XYLB: variants seen among roughly 807,000 people sequenced by gnomAD.
XYLB encodes xylulokinase.
Under a neutral mutation model 78.7 loss-of-function variants are expected in XYLB, and 62 were observed. The ratio of observed to expected loss-of-function variants is 0.79; its 90% CI spans 0.64 to 0.97. The LOEUF is 0.97. XYLB is among the 50% of genes least tolerant of loss of function. XYLB has a pLI of 0.00. For missense variants in XYLB, 687 were observed against 676.8 expected (o/e 1.02, Z -0.17); for synonymous variants, 245 against 247.4 (o/e 0.99, Z 0.09).
At chr3:38,419,974 C>G (rs561875781), downstream of XYLB, among the ~76,000 whole-genome samples, 3 of 152,122 alleles carry the variant, frequency 2.0e-5, no homozygotes, top group East Asian at 3.9e-4. Flanking sequence ...CACCCCCAAC[C>G]ATGCCCAGCT....
At chr3:38,355,825 C>T (rs972632072) in intron 2 of XYLB, 11 of 703,078 alleles carry the variant, frequency 1.6e-5, no homozygotes, top group Non-Finnish European at 2.9e-5. Context: ...GAACTCCCCA[C>T]TCCCCACTCA....
rs570818084 is a variant in XYLB at position 38,395,351 on chromosome 3, G to C, written c.1292-154G>C. Reference sequence around the variant, plus strand: ...TGAATGTGACAGGCCTGCACACACAGAGCCAGCTTTGGATCTCTCCCGTAG... The same window carrying C: ...TGAATGTGACAGGCCTGCACACACACAGCCAGCTTTGGATCTCTCCCGTAG... On this transcript the variant is annotated intron_variant, in intron 15 of 18. Transcript: ENST00000207870. Among the ~76,000 whole-genome samples the C allele has an allele frequency of 7.2e-5, 11 of 152,346 alleles. No homozygotes were observed. In the South Asian group the frequency reaches 1.9e-3, roughly 26 times the overall value.
chr3:38,354,938 C>A (rs1439604017), intron 2 of XYLB, among the ~76,000 whole-genome samples: 1 of 152,232 alleles, frequency 6.6e-6, no homozygotes, highest in African/African-American at 2.4e-5. Flanking sequence ...CTTTTGAATA[C>A]TTCACATGTG....
At chr3:38,402,745 A>T (rs953117928) in intron 18 of XYLB, among the ~76,000 whole-genome samples, 2 of 152,160 alleles carry the variant, frequency 1.3e-5, no homozygotes, top group African/African-American at 4.8e-5. Context: ...ATGGCTTTAT[A>T]ATCTAATAGG....
At chr3:38,395,054 A>T (rs991248259) in intron 15 of XYLB, among the ~76,000 whole-genome samples, 22 of 152,180 alleles carry the variant, frequency 1.4e-4, no homozygotes, top group African/African-American at 4.8e-4. Context: ...TGGGTATACA[A>T]GTCGGCCCTA....
intron 2 of XYLB, among the ~76,000 whole-genome samples, chr3:38,349,624 A>G (rs1195896381): frequency 6.6e-6 from 1 of 152,244 alleles, no homozygotes; most frequent in Non-Finnish European, 1.5e-5. Flanking sequence ...ACTGTGGGAA[A>G]GAATGAGTTT....
chr3:38,348,748 T>G (rs1360486540), intron 2 of XYLB, 116 bp downstream of exon 2: 33 of 886,646 alleles, frequency 3.7e-5, no homozygotes, highest in Non-Finnish European at 6.1e-5. Context: ...GGAGTGGTGG[T>G]CTCGGCAGAC....
chr3:38,416,046 C>A (rs1559626189), downstream of XYLB, among the ~76,000 whole-genome samples: 1 of 152,142 alleles, frequency 6.6e-6, no homozygotes, highest in East Asian at 1.9e-4. Flanking sequence ...AAACCACCCC[C>A]ATGATCCAGT....
Position 38,346,918 on chromosome 3 carries a change from C to T in XYLB, c.50C>T (p.Thr17Met). Residue 17 changes from threonine to methionine, a missense_variant, in exon 1 of 19, where the codon ACG becomes ATG. Coordinates refer to ENST00000207870, the MANE Select transcript of XYLB (RefSeq NM_005108.4). ...TGCTGCCTGGGCTGGGACTTCAGCA[C>T]GCAGCAGGTACAGTCGCCTGGCCGC... The part of the protein sequence containing the change: ...RRCCLGWDFS[T>M]QQVKVVAVDA... 6.6e-7 allele frequency: 1 copy of T among 1,511,080 alleles called. No homozygotes were observed. The allele number at this position is 1,511,080 out of a possible 1,614,324, so 93.6% of individuals were successfully genotyped here. A position where few individuals can be genotyped will look rare whatever the true frequency, so the allele number is the denominator to read the frequency against.
intron 4 of XYLB, among the ~76,000 whole-genome samples, chr3:38,363,325 TG>T (rs1559580151): frequency 6.6e-6 from 1 of 152,152 alleles, no homozygotes; most frequent in African/African-American, 2.4e-5. Flanking sequence ...TATGACTGCT[TG>T]GGGGCACCAC....
intron 15 of XYLB, among the ~76,000 whole-genome samples, chr3:38,388,169 G>GTTTTTTTTTT (rs71085320): frequency 1.4e-3 from 149 of 108,812 alleles, no homozygotes; most frequent in African/African-American, 4.4e-3. Context: ...GTTTTTTTTT[G>GTTTTTTTTTT]TTTTTTTTTT....
Position 38,375,224 on chromosome 3 carries a change from C to T in XYLB, c.969C>T (p.Asn323=). 1.2e-6 allele frequency: 2 copies of T among 1,614,224 alleles called. No homozygotes were observed. The highest frequency in any genetic ancestry group is 8.5e-7 in the Non-Finnish European group (1 of 1,180,044). ...CCCTGGAAGGCCACATCTTCTGCAACCCGGTTGACTCCCAGCACTACATGG... is the reference window on the plus strand; with the variant it reads ...CCCTGGAAGGCCACATCTTCTGCAATCCGGTTGACTCCCAGCACTACATGG... ...MPALEGHIFC[N]PVDSQHYMAL... Residue 323 remains asparagine (N), a synonymous_variant, in exon 12 of 19, where the codon AAC becomes AAT. Coordinates refer to ENST00000207870, the MANE Select transcript of XYLB (RefSeq NM_005108.4).
In XYLB at chr3:38,414,836, A is replaced by G. The variant is rs1304522961; in HGVS notation, c.*1823A>G. 1 of 152,194 alleles carries G rather than the reference A, an allele frequency of 6.6e-6. No homozygotes were observed. The highest frequency in any genetic ancestry group is 1.5e-5 in the Non-Finnish European group (1 of 68,044). The allele number at this position is 152,194 out of a possible 1,614,324, so 9.4% of individuals were successfully genotyped here. A position where few individuals can be genotyped will look rare whatever the true frequency, so the allele number is the denominator to read the frequency against. ...AGAGCCAAAAAGACCCAGAAATAAAATGACAGATAAAGAAGATTGTCAAAG... is the reference window on the plus strand; with the variant it reads ...AGAGCCAAAAAGACCCAGAAATAAAGTGACAGATAAAGAAGATTGTCAAAG... On this transcript the variant is annotated 3_prime_UTR_variant, in exon 19 of 19. Coordinates refer to ENST00000207870, the MANE Select transcript of XYLB (RefSeq NM_005108.4).
At chr3:38,380,799 A>G (rs1050963951) in intron 15 of XYLB, among the ~76,000 whole-genome samples, 3 of 152,230 alleles carry the variant, frequency 2.0e-5, no homozygotes, top group Non-Finnish European at 2.9e-5. Flanking sequence ...TTAATAGTAG[A>G]CAGAAAAAAT....
intron 12 of XYLB, 90 bp downstream of exon 12, chr3:38,375,349 A>T: frequency 1.8e-6 from 2 of 1,110,650 alleles, no homozygotes; most frequent in Non-Finnish European, 2.7e-6. Context: ...TCATTCCACT[A>T]AGCTCTGGAA....
At chr3:38,357,496 C>T (rs1428470388) in intron 2 of XYLB, among the ~76,000 whole-genome samples, 5 of 151,832 alleles carry the variant, frequency 3.3e-5, no homozygotes, top group Non-Finnish European at 7.4e-5. Flanking sequence ...ATGCCATTCT[C>T]CTGTCTCAGC....
chr3:38,358,340 TGTGTGTGTGTGTGTGTG>T (rs1705784503), intron 2 of XYLB, among the ~76,000 whole-genome samples: 6 of 83,568 alleles, frequency 7.2e-5, no homozygotes, highest in South Asian at 7.1e-4. Context: ...TGTGTGTGTG[TGTGTGTGTGTGTGTGTG>T]TTTGAGACAG....
chr3:38,436,289 A>G, the XYLB span, among the ~76,000 whole-genome samples: 1 of 152,328 alleles, frequency 6.6e-6, no homozygotes, highest in East Asian at 1.9e-4. Flanking sequence ...GACTACTATG[A>G]ACAATTATAC....
chr3:38,379,455 T>C, intron 15 of XYLB, 113 bp downstream of exon 15: 1 of 1,018,690 alleles, frequency 9.8e-7, no homozygotes, highest in Non-Finnish European at 1.5e-6. Flanking sequence ...CAGGGGGACT[T>C]GTGCAGGAGG....
Sources: gnomAD v4.1 joint callset for allele counts (sites outside exome capture counted in the v4.1 genomes callset) on GRCh38, gnomAD v4.1.1 for gene constraint, MANE v1.5 for transcripts, NCBI Gene and HGNC (gene_info 2026-07-23, HGNC 2026-07-21) for gene names.